RIOK3: variants seen among roughly 807,000 people sequenced by gnomAD.
RIOK3 encodes the protein RIO kinase 3.
In RIOK3, 40 loss-of-function variants were observed where a neutral mutation model predicts 63.5. That is an observed-to-expected ratio of 0.63 (90% confidence interval 0.49 to 0.82). The LOEUF (loss-of-function observed/expected upper bound fraction) is 0.82, where lower values mean the gene tolerates loss of function less well. Among genes scored for constraint, RIOK3 ranks in the 40% least tolerant of loss-of-function variants. The pLI is 0.00. For missense variants in RIOK3, 557 were observed against 637.0 expected, an observed-to-expected ratio of 0.87 and a Z score of 1.35; for synonymous variants, 193 against 205.0, an observed-to-expected ratio of 0.94 and a Z score of 0.50.
At chr18:23,476,626 G>C (rs2057492572) in intron 9 of RIOK3, among the ~76,000 whole-genome samples, 1 of 21,636 alleles carries the variant, frequency 4.6e-5, no homozygotes, top group Non-Finnish European at 9.2e-5. Flanking sequence ...GACTTTGAGG[G>C]GGGCTGGGCG....
chr18:23,477,627 G>A (rs532750726), intron 11 of RIOK3, among the ~76,000 whole-genome samples: 112 of 151,940 alleles, frequency 7.4e-4, no homozygotes, highest in Non-Finnish European at 1.2e-3. Flanking sequence ...GCCGGGCATG[G>A]TGGCAGGCGC....
chr18:23,463,619 G>C (rs1568381637), intron 2 of RIOK3, among the ~76,000 whole-genome samples: 1 of 152,128 alleles, frequency 6.6e-6, no homozygotes, highest in South Asian at 2.1e-4. Context: ...ATGTTGGTCA[G>C]GTTGGTCTCG....
chr18:23,453,736 A>G (rs905564468), intron 1 of RIOK3, among the ~76,000 whole-genome samples: 1 of 152,126 alleles, frequency 6.6e-6, no homozygotes, highest in East Asian at 1.9e-4. Flanking sequence ...AGGGCTCTCT[A>G]TTTCTTCAGC....
At chr18:23,473,676 A>C (rs749024426) in intron 8 of RIOK3, 50 bp downstream of exon 8, 1 of 1,352,078 alleles carries the variant, frequency 7.4e-7, no homozygotes. Context: ...ACCTTTTTGC[A>C]TTAGGATAAA....
intron 1 of RIOK3, among the ~76,000 whole-genome samples, chr18:23,461,164 C>G (rs1256217801): frequency 6.6e-6 from 1 of 152,176 alleles, no homozygotes; most frequent in East Asian, 1.9e-4. Context: ...GGTCACTTGC[C>G]CAGTTGTCTC....
intron 5 of RIOK3, among the ~76,000 whole-genome samples, chr18:23,465,703 C>T (rs1274775375): frequency 1.3e-5 from 2 of 152,008 alleles, no homozygotes; most frequent in African/African-American, 4.8e-5. Flanking sequence ...GGCTACCTAA[C>T]TGAATTGCAC....
intron 2 of RIOK3, 62 bp from the exon 3 acceptor site, chr18:23,463,905 A>G (rs1174969927): frequency 7.0e-7 from 1 of 1,430,122 alleles, no homozygotes; most frequent in Non-Finnish European, 9.5e-7. Context: ...CTACTCTCAT[A>G]ATTGGCAACC....
rs1335581350 is a variant in RIOK3 at position 23,453,356 on chromosome 18, C to T, written c.-84C>T. On this transcript the variant is annotated 5_prime_UTR_variant, in exon 1 of 13. Coordinates refer to ENST00000339486, the MANE Select transcript of RIOK3 (RefSeq NM_003831.5). ...ACTCCGGCATCAGCAGCCAGTCGCC[C>T]GTGTCCCGCCTGTCTCCTCGGCGGA... 8.7e-7 allele frequency: 1 copy of T among 1,151,210 alleles called. No homozygotes were observed. The highest frequency in any genetic ancestry group is 1.3e-6 in the Non-Finnish European group (1 of 765,300). 71.3% of individuals were successfully genotyped at this position (1,151,210 alleles called of 1,614,324 possible). A position where few individuals can be genotyped will look rare whatever the true frequency, so the allele number is the denominator to read the frequency against.
At position 23,453,380 on chromosome 18, in the gene RIOK3, G is replaced by T; in HGVS notation, c.-60G>T. 1 of 1,380,764 alleles carries T rather than the reference G, an allele frequency of 7.2e-7. No individual in the cohort carries two copies. The allele number at this position is 1,380,764 out of a possible 1,614,324, so 85.5% of individuals were successfully genotyped here. Reference sequence around the variant, plus strand: ...CCGTGTCCCGCCTGTCTCCTCGGCGGAGCCTGCTGCCCGTCCTGCCACCTC... The same window carrying T: ...CCGTGTCCCGCCTGTCTCCTCGGCGTAGCCTGCTGCCCGTCCTGCCACCTC... On this transcript the variant is annotated 5_prime_UTR_variant, in exon 1 of 13. Coordinates refer to ENST00000339486, the MANE Select transcript of RIOK3 (RefSeq NM_003831.5).
At chr18:23,457,763 A>G (rs2057350001) in intron 1 of RIOK3, among the ~76,000 whole-genome samples, 2 of 152,164 alleles carry the variant, frequency 1.3e-5, no homozygotes, top group Non-Finnish European at 1.5e-5. Context: ...ACTTACTTAA[A>G]TATTCTGCTT....
chr18:23,454,647 A>G (rs2057326368), intron 1 of RIOK3, among the ~76,000 whole-genome samples: 1 of 152,368 alleles, frequency 6.6e-6, no homozygotes, highest in East Asian at 1.9e-4. Flanking sequence ...GACAGACTCT[A>G]TTCAGAATAC....
At chr18:23,475,653 C>A (rs1458637253) in intron 9 of RIOK3, among the ~76,000 whole-genome samples, 3 of 151,920 alleles carry the variant, frequency 2.0e-5, no homozygotes, top group Non-Finnish European at 4.4e-5. Context: ...AACAAAAAAA[C>A]CCAAGTTCCT....
chr18:23,469,369 CCCTCCCTCCCCTCCCT>C (rs2057437072), intron 7 of RIOK3, among the ~76,000 whole-genome samples: 2 of 6,706 alleles, frequency 3.0e-4, no homozygotes, highest in African/African-American at 8.9e-4. Flanking sequence ...CTCCCTCCCT[CCCTCCCTCCCCTCCCT>C]CCCCTCTCTC....
At chr18:23,472,078 C>T (rs1390254086) in intron 7 of RIOK3, among the ~76,000 whole-genome samples, 2 of 151,876 alleles carry the variant, frequency 1.3e-5, no homozygotes, top group Non-Finnish European at 2.9e-5. Flanking sequence ...ACTAAAAATA[C>T]AAAAATTAGC....
intron 1 of RIOK3, among the ~76,000 whole-genome samples, chr18:23,458,180 C>T (rs544499865): frequency 6.6e-6 from 1 of 151,606 alleles, no homozygotes; most frequent in South Asian, 2.1e-4. Flanking sequence ...GCTAGTATTA[C>T]AGGCGAGAGC....
intron 7 of RIOK3, among the ~76,000 whole-genome samples, chr18:23,470,130 C>T (rs776126759): frequency 5.3e-5 from 8 of 151,956 alleles, no homozygotes; most frequent in African/African-American, 9.7e-5. Flanking sequence ...GTTGGAGGAC[C>T]GATGGGGGCG....
At chr18:23,471,161 A>G (rs1365739842) in intron 7 of RIOK3, among the ~76,000 whole-genome samples, 1 of 152,192 alleles carries the variant, frequency 6.6e-6, no homozygotes, top group African/African-American at 2.4e-5. Context: ...AATATCAGAT[A>G]TATGCTATGC....
At chr18:23,478,276 G>GA (rs1418964510) in intron 11 of RIOK3, among the ~76,000 whole-genome samples, 1 of 152,084 alleles carries the variant, frequency 6.6e-6, no homozygotes, top group African/African-American at 2.4e-5. Flanking sequence ...AGCATGGTAA[G>GA]AAGATTAGGT....
At chr18:23,479,471 G>C in intron 12 of RIOK3, 47 bp downstream of exon 12, 1 of 1,100,700 alleles carries the variant, frequency 9.1e-7, no homozygotes, top group South Asian at 1.3e-5. Context: ...ATGCAGAACT[G>C]CATAGAGGAG....
Sources: allele counts gnomAD v4.1 joint callset (sites outside exome capture counted in the v4.1 genomes callset), GRCh38; gene constraint gnomAD v4.1.1; transcripts MANE v1.5; gene names NCBI Gene and HGNC (gene_info 2026-07-23, HGNC 2026-07-21).